Variants in AMBRA1 observed in about 807,000 individuals in gnomAD.
AMBRA1 encodes the protein autophagy and beclin 1 regulator 1, also known as activating molecule in BECN1-regulated autophagy protein 1.
Under a neutral mutation model 125.4 loss-of-function variants are expected in AMBRA1, and 47 were observed. That is an observed-to-expected ratio of 0.37 (90% confidence interval 0.30 to 0.48). The LOEUF is 0.48. AMBRA1 is among the 20% of genes least tolerant of loss of function. AMBRA1 has a pLI of 0.99. For synonymous variants in AMBRA1, 626 were observed against 655.5 expected (o/e 0.95, Z 0.69); for missense variants, 1,331 against 1,693.4 (o/e 0.79, Z 3.76).
intron 11 of AMBRA1, chr11:46,491,273 G>A (rs1034414806): frequency 1.2e-4 from 19 of 152,186 alleles, no homozygotes; most frequent in African/African-American, 3.6e-4. Context: ...GAGGCGGATC[G>A]GGAAGGTGGT....
In AMBRA1 at chr11:46,547,124, A is replaced by G. The variant is rs905077771; in HGVS notation, c.367T>C (p.Trp123Arg). 6.2e-7 allele frequency: 1 copy of G among 1,603,622 alleles called. No individual in the cohort carries two copies. Among genetic ancestry groups the G allele is most frequent in the Non-Finnish European group, 8.5e-7 (1 of 1,177,258 alleles). ...SGCLDGEVRI[W>R]DLHGGSESWF... ...AAGGAAATACTCACGTGTAAATCCC[A>G]AATCCTAACCTCCCCATCTAGGCAG... Residue 123 changes from tryptophan to arginine, a missense_variant, in exon 4 of 18, where the codon TGG becomes CGG. Trp to Arg is a moderately radical substitution (Grantham distance 101). Coordinates refer to ENST00000683756, the MANE Select transcript of AMBRA1 (RefSeq NM_001387011.1).
chr11:46,578,220 C>T (rs2044028683), intron 1 of AMBRA1, among the ~76,000 whole-genome samples: 1 of 152,106 alleles, frequency 6.6e-6, no homozygotes, highest in South Asian at 2.1e-4. Context: ...GACGTGGTGG[C>T]TCACACCTGT....
rs774062809 is a variant in AMBRA1, at chr11:46,543,041, G to A, written c.976C>T (p.Gln326Ter). The change falls in exon 7 of 18, where the codon CAG becomes TAG. Residue 326 changes from glutamine to a stop codon, truncating the protein, a stop_gained. Coordinates refer to ENST00000683756, the MANE Select transcript of AMBRA1 (RefSeq NM_001387011.1). LOFTEE classifies it high-confidence loss of function. ...GCAGAAGCAGGGGGGACACTGTCCT[G>A]GTGTGGCAAGAGGGAAGGAACTCGA... ...GTRVPSLLPHQDSVPPASARA... is the reference protein window; with the variant it reads ...GTRVPSLLPH 2.3e-5 allele frequency: 36 copies of A among 1,599,062 alleles called. No individual in the cohort carries two copies. Among genetic ancestry groups the A allele is most frequent in the Non-Finnish European group, 2.9e-5 (34 of 1,179,794 alleles).
chr11:46,487,355 A>G (rs927427318), intron 11 of AMBRA1, among the ~76,000 whole-genome samples: 3 of 152,228 alleles, frequency 2.0e-5, no homozygotes, highest in Non-Finnish European at 4.4e-5. Flanking sequence ...ACCAAAAATA[A>G]AGTTAATAAC....
At chr11:46,468,616 G>A (rs1191989555) in intron 11 of AMBRA1, among the ~76,000 whole-genome samples, 1 of 150,958 alleles carries the variant, frequency 6.6e-6, no homozygotes, top group African/African-American at 2.4e-5. Context: ...AGCTAACACC[G>A]TGAAACCCCG....
intron 12 of AMBRA1, 116 bp downstream of exon 12, chr11:46,443,372 T>C (rs1241806807): frequency 2.7e-6 from 2 of 745,758 alleles, no homozygotes; most frequent in South Asian, 1.7e-5. Flanking sequence ...AAATGGCATG[T>C]AGATAACAAC....
At chr11:46,474,780 T>C (rs956838329) in intron 11 of AMBRA1, among the ~76,000 whole-genome samples, 2 of 152,170 alleles carry the variant, frequency 1.3e-5, no homozygotes, top group Admixed American at 1.3e-4. Context: ...ATTTTCCCTA[T>C]GGCTAGCAGG....
rs1950183114 is a variant in AMBRA1, at chr11:46,484,218, T to C, written c.2521+9390A>G. Among the ~76,000 whole-genome samples, 3 of 152,172 alleles carry C rather than the reference T, an allele frequency of 2.0e-5. No homozygotes were observed. The South Asian group carries it at 6.2e-4, about 32-fold the overall frequency. On this transcript the variant is annotated intron_variant, in intron 11 of 17. Transcript: ENST00000683756. Reference sequence around the variant, plus strand: ...GAAAGCTGCTGCTTCCACTGGAAAATATGGGTTTTGACCTCACATTTGGCC... The same window carrying C: ...GAAAGCTGCTGCTTCCACTGGAAAACATGGGTTTTGACCTCACATTTGGCC...
chr11:46,519,364 G>C (rs1411517032), intron 7 of AMBRA1, among the ~76,000 whole-genome samples: 2 of 152,074 alleles, frequency 1.3e-5, no homozygotes, highest in Non-Finnish European at 2.9e-5. Flanking sequence ...TTGAGGTGCA[G>C]AAAGTCTGGG....
intron 1 of AMBRA1, among the ~76,000 whole-genome samples, chr11:46,551,615 A>G (rs1173327640): frequency 6.6e-6 from 1 of 152,238 alleles, no homozygotes; most frequent in East Asian, 1.9e-4. Flanking sequence ...TCACGCCTGT[A>G]ATCCCAGAAC....
At chr11:46,556,569 C>G (rs562453781) in intron 1 of AMBRA1, among the ~76,000 whole-genome samples, 1 of 152,212 alleles carries the variant, frequency 6.6e-6, no homozygotes, top group South Asian at 2.1e-4. Flanking sequence ...CCATAACATC[C>G]AAATTACAGT....
At chr11:46,479,726 A>G (rs1949980438) in intron 11 of AMBRA1, among the ~76,000 whole-genome samples, 1 of 152,178 alleles carries the variant, frequency 6.6e-6, no homozygotes, top group African/African-American at 2.4e-5. Flanking sequence ...TATGTGAAGA[A>G]GCACAGGTTA....
rs774631588 is a variant in AMBRA1 at position 46,568,803 on chromosome 11, C to CTT, written c.-120-20305_-120-20304dup. Among the ~76,000 whole-genome samples, 472 of 96,356 alleles carry CTT rather than the reference C, an allele frequency of 4.9e-3. 4 individuals are homozygous for CTT. The highest frequency in any genetic ancestry group is 9.2e-3 in the African/African-American group (200 of 21,690). 63.2% of individuals were successfully genotyped at this position (96,356 alleles called of 152,430 possible). A position where few individuals can be genotyped will look rare whatever the true frequency, so the allele number is the denominator to read the frequency against. ...AAAAAAAAGGAACCCTCAACCCTAC[C>CTT]TTTTTTTTTTTTTTTTTTTTTTTGA... On this transcript the variant is annotated intron_variant, in intron 1 of 17. Transcript: ENST00000683756.
intron 1 of AMBRA1, among the ~76,000 whole-genome samples, chr11:46,585,248 G>A (rs1001606649): frequency 6.6e-6 from 1 of 152,018 alleles, no homozygotes; most frequent in Non-Finnish European, 1.5e-5. Flanking sequence ...AGGAAAACCA[G>A]AGACCTTTGT....
chr11:46,545,519 C>T (rs1169727382), intron 5 of AMBRA1, 85 bp downstream of exon 5: 17 of 1,500,324 alleles, frequency 1.1e-5, no homozygotes, highest in Non-Finnish European at 1.4e-5. Context: ...GGGATAACAA[C>T]CTGACTTCCA....
intron 11 of AMBRA1, among the ~76,000 whole-genome samples, chr11:46,472,622 C>G (rs1193215981): frequency 6.6e-6 from 1 of 152,162 alleles, no homozygotes; most frequent in East Asian, 1.9e-4. Flanking sequence ...TTCTAAAACA[C>G]AAGATCAGTA....
At chr11:46,447,574 G>T (rs1007786490) in intron 11 of AMBRA1, among the ~76,000 whole-genome samples, 1 of 152,096 alleles carries the variant, frequency 6.6e-6, no homozygotes. Flanking sequence ...TTAGCCAGGT[G>T]TGGTGGCGTG....
intron 12 of AMBRA1, among the ~76,000 whole-genome samples, chr11:46,437,606 G>A (rs1947788778): frequency 6.6e-6 from 1 of 152,150 alleles, no homozygotes; most frequent in South Asian, 2.1e-4. Flanking sequence ...TTCACATGTG[G>A]AAAAGGAAAT....
chr11:46,449,862 CA>C (rs111565811), intron 11 of AMBRA1, among the ~76,000 whole-genome samples: 1,826 of 152,182 alleles, frequency 0.012, 42 homozygotes, highest in African/African-American at 0.042. Context: ...AGTTTAAGAC[CA>C]GCCTGACCAA....
Sources: allele counts gnomAD v4.1 joint callset (sites outside exome capture counted in the v4.1 genomes callset), GRCh38; gene constraint gnomAD v4.1.1; transcripts MANE v1.5; gene names NCBI Gene and HGNC (gene_info 2026-07-23, HGNC 2026-07-21).